PSD3: variants seen among roughly 807,000 people sequenced by gnomAD.
PSD3 encodes PH and SEC7 domain-containing protein 3.
PSD3 carries 49 observed loss-of-function variants against 105.5 expected under a neutral mutation model. The observed-to-expected ratio is 0.46, with a 90% confidence interval of 0.37 to 0.59. PSD3 has a LOEUF of 0.59. PSD3 is among the 20% of genes least tolerant of loss of function. PSD3 has a pLI of 0.00. For missense variants in PSD3, 1,561 were observed against 1,263.8 expected, an observed-to-expected ratio of 1.24 and a Z score of -3.57; for synonymous variants, 557 against 457.8, an observed-to-expected ratio of 1.22 and a Z score of -2.77.
intron 4 of PSD3, among the ~76,000 whole-genome samples, chr8:18,861,520 A>G (rs1015925370): frequency 6.6e-6 from 1 of 152,156 alleles, no homozygotes; most frequent in East Asian, 1.9e-4. Context: ...TGACCTCTTT[A>G]TATCTGATCA....
chr8:18,721,022 C>T (rs1299934692), intron 9 of PSD3: 3 of 152,186 alleles, frequency 2.0e-5, no homozygotes, highest in Non-Finnish European at 2.9e-5. Context: ...GAGTTTACAT[C>T]ACTAGCATTC....
intron 9 of PSD3, among the ~76,000 whole-genome samples, chr8:18,706,374 A>G (rs1354677976): frequency 6.6e-6 from 1 of 152,206 alleles, no homozygotes; most frequent in African/African-American, 2.4e-5. Flanking sequence ...TTGTTCTATT[A>G]TAACTATGTA....
At chr8:18,995,387 C>T (rs1013363323) in intron 1 of PSD3, among the ~76,000 whole-genome samples, 6 of 152,000 alleles carry the variant, frequency 3.9e-5, no homozygotes, top group African/African-American at 9.7e-5. Context: ...GAGTGGAAAG[C>T]GGAGATACTG....
intron 2 of PSD3, among the ~76,000 whole-genome samples, chr8:18,916,112 A>G (rs963983249): frequency 6.6e-6 from 1 of 151,760 alleles, no homozygotes; most frequent in Non-Finnish European, 1.5e-5. Flanking sequence ...AAATAAAAAT[A>G]AAAGTAAAAA....
At chr8:18,564,835 G>T (rs1047105689) in intron 14 of PSD3, among the ~76,000 whole-genome samples, 3 of 152,078 alleles carry the variant, frequency 2.0e-5, no homozygotes, top group African/African-American at 7.2e-5. Context: ...AAAAGGAGGG[G>T]TGGGGGTTAC....
intron 1 of PSD3, among the ~76,000 whole-genome samples, chr8:19,021,106 C>T (rs1205243165): frequency 6.6e-6 from 1 of 152,072 alleles, no homozygotes; most frequent in Non-Finnish European, 1.5e-5. Flanking sequence ...TAATGCACTC[C>T]AATGCTCAGA....
chr8:19,051,486 C>G (rs334205), intron 1 of PSD3, among the ~76,000 whole-genome samples: 51,427 of 152,040 alleles, frequency 0.34, 8,977 homozygotes, highest in East Asian at 0.63. Flanking sequence ...CTGGCACATA[C>G]TAGGCACTCA....
intron 9 of PSD3, chr8:18,762,945 C>A (rs1232008381): frequency 1.6e-6 from 2 of 1,283,618 alleles, no homozygotes; most frequent in East Asian, 1.1e-4. Context: ...GAGAAAGACA[C>A]CTCCAATATT....
intron 1 of PSD3, among the ~76,000 whole-genome samples, chr8:18,989,586 C>A (rs1367609802): frequency 6.6e-6 from 1 of 152,208 alleles, no homozygotes; most frequent in East Asian, 1.9e-4. Context: ...AATAAATTAT[C>A]TTGGGCAAAT....
intron 8 of PSD3, among the ~76,000 whole-genome samples, chr8:18,792,027 C>T (rs1412755486): frequency 6.6e-6 from 1 of 152,136 alleles, no homozygotes; most frequent in Admixed American, 6.5e-5. Context: ...CATCTCACAC[C>T]AGTCAGAATG....
At chr8:18,566,109 A>T (rs945898265) in intron 14 of PSD3, among the ~76,000 whole-genome samples, 5 of 152,186 alleles carry the variant, frequency 3.3e-5, no homozygotes, top group Non-Finnish European at 7.3e-5. Context: ...AGATATCCCC[A>T]AGAGCCTCAG....
intron 4 of PSD3, among the ~76,000 whole-genome samples, chr8:18,857,453 C>G (rs766863902): frequency 2.0e-5 from 3 of 152,146 alleles, no homozygotes; most frequent in African/African-American, 4.8e-5. Context: ...AGAACCTAGG[C>G]TGCGCATCAG....
At chr8:18,831,883 A>C (rs571103343) in intron 4 of PSD3, among the ~76,000 whole-genome samples, 8 of 152,118 alleles carry the variant, frequency 5.3e-5, no homozygotes, top group African/African-American at 1.7e-4. Flanking sequence ...ATTTATAGTA[A>C]CAGAATAAAT....
intron 11 of PSD3, among the ~76,000 whole-genome samples, chr8:18,621,321 T>C (rs867366297): frequency 8.5e-5 from 13 of 152,048 alleles, no homozygotes; most frequent in African/African-American, 2.2e-4. Context: ...AGTAGGAGAA[T>C]TGCTTGAACC....
At chr8:18,897,511 T>C (rs982968572) in intron 2 of PSD3, among the ~76,000 whole-genome samples, 2 of 152,216 alleles carry the variant, frequency 1.3e-5, no homozygotes, top group African/African-American at 2.4e-5. Flanking sequence ...AGGCAAATTT[T>C]AGGACTGTTT....
Position 18,900,426 on chromosome 8 carries a change from T to C in PSD3, c.131-27693A>G, listed in dbSNP as rs553483268. ...ACGGTACTTACACTGCTGGATTCTT[T>C]TATCTTGAAATGGCAGGTGACCACA... On this transcript the variant is annotated intron_variant, in intron 2 of 15. Transcript: ENST00000327040. Among the ~76,000 whole-genome samples the C allele has an allele frequency of 3.3e-5, 5 of 152,248 alleles. No homozygotes were observed. The East Asian group carries it at 9.7e-4, about 29-fold the overall frequency.
At chr8:18,926,238 G>A (rs764268016) in intron 2 of PSD3, among the ~76,000 whole-genome samples, 60 of 151,654 alleles carry the variant, frequency 4.0e-4, no homozygotes, top group Non-Finnish European at 5.3e-4. Context: ...TGTCCACATG[G>A]GTGGCTGAGA....
In PSD3 at chr8:18,872,830, C is replaced by A. The variant is rs1817483041; in HGVS notation, c.131-97G>T. ...CACACAGATTAGGCACTCAATAATA[C>A]TTATTAACTTGATTATTGCATTATA... On this transcript the variant is annotated intron_variant, in intron 2 of 15. Transcript: ENST00000327040. 9 of 1,189,398 alleles carry A rather than the reference C, an allele frequency of 7.6e-6. No individual in the cohort carries two copies. The East Asian group carries it at 1.9e-4, about 25-fold the overall frequency. The allele number at this position is 1,189,398 out of a possible 1,614,324, so 73.7% of individuals were successfully genotyped here.
chr8:18,727,075 C>A (rs1342885323), intron 9 of PSD3, among the ~76,000 whole-genome samples: 1 of 151,858 alleles, frequency 6.6e-6, no homozygotes, highest in African/African-American at 2.4e-5. Flanking sequence ...CAGTGGCTCA[C>A]GCCTGTAATC....
Sources: allele counts gnomAD v4.1 joint callset (sites outside exome capture counted in the v4.1 genomes callset), GRCh38; gene constraint gnomAD v4.1.1; transcripts MANE v1.5; gene names NCBI Gene and HGNC (gene_info 2026-07-23, HGNC 2026-07-21).